PSG2: variants seen among roughly 807,000 people sequenced by gnomAD.
PSG2 encodes pregnancy specific beta-1-glycoprotein 2.
PSG2 carries 49 observed loss-of-function variants against 36.2 expected under a neutral mutation model. That is an observed-to-expected ratio of 1.35 (90% CI 1.08 to 1.72). PSG2 has a LOEUF of 1.72. PSG2 is among the 40% of genes most tolerant of loss of function. The pLI, the probability that PSG2 is intolerant of heterozygous loss-of-function variation, is 0.00. For synonymous variants in PSG2, 261 were observed against 155.6 expected, an observed-to-expected ratio of 1.68 and a Z score of -5.04; for missense variants, 605 against 407.2, an observed-to-expected ratio of 1.49 and a Z score of -4.18.
In PSG2 at chr19:43,082,629, T is replaced by C. The variant is rs1432316932; in HGVS notation, c.-60A>G. 1.3e-6 allele frequency: 2 copies of C among 1,592,954 alleles called. No homozygotes were observed. Among genetic ancestry groups the C allele is most frequent in the Non-Finnish European group, 1.7e-6 (2 of 1,164,768 alleles). On this transcript the variant is annotated 5_prime_UTR_variant, in exon 1 of 6. Coordinates refer to ENST00000406487, the MANE Select transcript of PSG2 (RefSeq NM_031246.4). Reference sequence around the variant, plus strand: ...ATGAGCCTAGGATCCAGAAACTTCCTGAGCACGGCTGTCAGCTGTGCTGTC... The same window carrying C: ...ATGAGCCTAGGATCCAGAAACTTCCCGAGCACGGCTGTCAGCTGTGCTGTC...
intron 1 of PSG2, 50 bp from the exon 2 acceptor site, chr19:43,081,296 T>TGAAAA (rs1967970846): frequency 6.4e-7 from 1 of 1,573,638 alleles, no homozygotes; most frequent in South Asian, 1.2e-5. Flanking sequence ...TGTATTGGGG[T>TGAAAA]GAAAAGATGG....
At chr19:43,073,223 G>T (rs1385763296) in intron 3 of PSG2, among the ~76,000 whole-genome samples, 1 of 151,788 alleles carries the variant, frequency 6.6e-6, no homozygotes, top group Non-Finnish European at 1.5e-5. Flanking sequence ...AGGTGGGGCA[G>T]CTTTTTGCAG....
At chr19:43,071,405 G>A (rs1428791545) in intron 4 of PSG2, among the ~76,000 whole-genome samples, 4 of 151,658 alleles carry the variant, frequency 2.6e-5, no homozygotes, top group African/African-American at 7.3e-5. Flanking sequence ...ACTTGATCTT[G>A]AGGACACTCC....
At chr19:43,069,655 G>T (rs143343818) in intron 4 of PSG2, among the ~76,000 whole-genome samples, 1 of 151,596 alleles carries the variant, frequency 6.6e-6, no homozygotes, top group East Asian at 1.9e-4. Context: ...ATATTCAAGG[G>T]CAAGAAAACT....
At chr19:43,075,738 C>A (rs1417501205) in intron 2 of PSG2, 106 bp from the exon 3 acceptor site, 1 of 1,519,088 alleles carries the variant, frequency 6.6e-7, no homozygotes, top group East Asian at 2.3e-5. Flanking sequence ...CCACCCAAGT[C>A]CTTAAAAGCC....
intron 1 of PSG2, among the ~76,000 whole-genome samples, chr19:43,081,499 C>T (rs1393208777): frequency 4.0e-5 from 6 of 151,298 alleles, no homozygotes; most frequent in African/African-American, 1.5e-4. Context: ...CCACTTGTGA[C>T]CTTGGCATTT....
At position 43,082,537 on chromosome 19, in the gene PSG2, C is replaced by T. The variant is rs759267823; in HGVS notation, c.33G>A (p.Glu11=). The T allele has an allele frequency of 2.5e-6, 4 of 1,612,178 alleles. No homozygotes were observed. In the South Asian group the frequency reaches 3.3e-5, roughly 13 times the overall value. Residue 11 remains glutamate, a synonymous_variant, in exon 1 of 6, where the codon GAG becomes GAA. Coordinates refer to ENST00000406487, the MANE Select transcript of PSG2 (RefSeq NM_031246.4). The stretch of plus-strand genomic sequence containing the variant: ...CCAGGAGCCCCTTCCATTTGATGTG[C>T]TCTGTGCAGGGAGGGGCTGAGAGGG... MGPLSAPPCT[E]HIKWKGLLVT...
chr19:43,078,088 G>C (rs1167430528), intron 2 of PSG2, among the ~76,000 whole-genome samples: 1 of 151,752 alleles, frequency 6.6e-6, no homozygotes, highest in African/African-American at 2.4e-5. Flanking sequence ...TCATTGCAGA[G>C]ATTACAACAG....
chr19:43,080,895 G>A lies in PSG2; in HGVS notation c.416C>T (p.Thr139Ile), dbSNP rs545809221. 1 of 1,612,404 alleles carries A rather than the reference G, an allele frequency of 6.2e-7. No homozygotes were observed. The highest frequency in any genetic ancestry group is 1.3e-5 in the African/African-American group (1 of 74,410). ...DGTRGVTGYF[T>I]FTLYLETPKP... ...GAATCACTTACGGTATAAGGTGAAG[G>A]TGAAATATCCAGTTACTCCTCTAGT... is the stretch of plus-strand genomic sequence containing the variant. Residue 139 changes from threonine (T) to isoleucine (I), a missense_variant, in exon 2 of 6, where the codon ACC becomes ATC. By Grantham distance (89) the Thr-to-Ile change is moderately conservative. Transcript: ENST00000406487.
intron 2 of PSG2, among the ~76,000 whole-genome samples, chr19:43,076,019 C>G (rs1285620377): frequency 4.6e-5 from 7 of 151,538 alleles, no homozygotes; most frequent in African/African-American, 7.3e-5. Flanking sequence ...TTACTTTGCC[C>G]CCTGAGGTAT....
chr19:43,074,680 A>G lies in PSG2; in HGVS notation c.709+674T>C, dbSNP rs554938980. Among the ~76,000 whole-genome samples, 211 of 151,818 alleles carry G rather than the reference A, an allele frequency of 1.4e-3. 8 individuals are homozygous for G. The highest frequency in any genetic ancestry group is 5.1e-3 in the African/African-American group (208 of 41,178). ...GACTTCACTGGAAAACATATTGCCA[A>G]TGTTTCAGGGATCCACTTACCAGGG... On this transcript the variant is annotated intron_variant, in intron 3 of 5. Transcript: ENST00000406487.
chr19:43,067,099 G>A (rs779959069), intron 4 of PSG2, among the ~76,000 whole-genome samples: 2 of 151,488 alleles, frequency 1.3e-5, no homozygotes, highest in South Asian at 2.1e-4. Flanking sequence ...CTAGTTCTCC[G>A]AGGCTCTCTT....
chr19:43,072,793 C>T (rs1366757131), intron 3 of PSG2, among the ~76,000 whole-genome samples: 1 of 151,706 alleles, frequency 6.6e-6, no homozygotes, highest in Non-Finnish European at 1.5e-5. Context: ...GATCTAAGGG[C>T]TCAAAGACTG....
At chr19:43,081,429 T>C (rs1350568175) in intron 1 of PSG2, among the ~76,000 whole-genome samples, 183 bp from the exon 2 acceptor site, 3 of 151,120 alleles carry the variant, frequency 2.0e-5, no homozygotes, top group Non-Finnish European at 4.4e-5. Flanking sequence ...TATGTGTGTA[T>C]GTGTGTGTGT....
chr19:43,077,147 C>G (rs1159156658), intron 2 of PSG2, among the ~76,000 whole-genome samples: 1 of 151,644 alleles, frequency 6.6e-6, no homozygotes, highest in African/African-American at 2.4e-5. Context: ...CATCTAAGAT[C>G]AATTGCTGGT....
At chr19:43,065,105 G>T (rs1967722501) in intron 5 of PSG2, among the ~76,000 whole-genome samples, 1 of 151,752 alleles carries the variant, frequency 6.6e-6, no homozygotes. Flanking sequence ...AAACTCCTGG[G>T]ATTGCAGGCG....
chr19:43,079,641 G>T lies in PSG2; in HGVS notation c.430+1240C>A, dbSNP rs542956844. 2.4e-4 allele frequency among the ~76,000 whole-genome samples: 37 copies of T among 151,752 alleles called. 1 individual carries two copies. Among genetic ancestry groups the T allele is most frequent in the African/African-American group, 7.5e-4 (31 of 41,160 alleles). ...CACTTTGGGAAACACAGGGTTTCAG[G>T]TTCAGTGATGGGGGTTAAGATCTGA... On this transcript the variant is annotated intron_variant, in intron 2 of 5. Transcript: ENST00000406487.
chr19:43,071,917 G>T lies in PSG2; in HGVS notation c.747C>A (p.Thr249=). 6.2e-7 allele frequency: 1 copy of T among 1,612,626 alleles called. No homozygotes were observed. The highest frequency in any genetic ancestry group is 1.1e-5 in the South Asian group (1 of 91,030). ...AGAGGTTATCTCCTGAACGGTAATT[G>T]GTGTATGAAGGGTGAATTCTGGGGA... ...PDLPRIHPSY[T]NYRSGDNLYL... is the part of the protein sequence containing the mutation. Residue 249 remains threonine (T), a synonymous_variant, in exon 4 of 6, where the codon ACC becomes ACA. Transcript: ENST00000406487.
chr19:43,066,264 A>T (rs1341358523), intron 5 of PSG2, among the ~76,000 whole-genome samples: 2 of 151,712 alleles, frequency 1.3e-5, no homozygotes, highest in Non-Finnish European at 2.9e-5. Flanking sequence ...TCACCATGTG[A>T]AATTGTGTTT....
Sources: gnomAD v4.1 joint callset for allele counts (sites outside exome capture counted in the v4.1 genomes callset) on GRCh38, gnomAD v4.1.1 for gene constraint, MANE v1.5 for transcripts, NCBI Gene and HGNC (gene_info 2026-07-23, HGNC 2026-07-21) for gene names.